Variants in TTC8 observed in about 807,000 individuals in gnomAD.
TTC8 encodes tetratricopeptide repeat protein 8.
Under a neutral mutation model 72.5 loss-of-function variants are expected in TTC8, and 47 were observed. The ratio of observed to expected loss-of-function variants is 0.65; its 90% CI spans 0.51 to 0.83. The LOEUF (loss-of-function observed/expected upper bound fraction) is 0.83, where lower values mean the gene tolerates loss of function less well. TTC8 is among the 40% of genes least tolerant of loss of function. TTC8 has a pLI of 0.00. For synonymous variants in TTC8, 199 were observed against 221.4 expected (o/e 0.90, Z 0.90); for missense variants, 611 against 623.2 (o/e 0.98, Z 0.21).
At position 88,877,316 on chromosome 14, in the gene TTC8, A is replaced by G. The variant is rs778491536; in HGVS notation, c.1454A>G (p.Tyr485Cys). Residue 485 changes from tyrosine (Y) to cysteine (C), a missense_variant, in exon 15 of 15, where the codon TAT (tyrosine) becomes TGT (cysteine). Coordinates refer to ENST00000380656, the MANE Select transcript of TTC8 (RefSeq NM_144596.4). ...SDKIGDLQRS[Y>C]VAAQKSEAAF... is the part of the protein sequence containing the mutation. ...CAGATTGGAGATCTGCAGAGAAGCT[A>G]TGTTGCTGCGCAGAAGTCTGAAGCA... The G allele has an allele frequency of 2.5e-6, 4 of 1,613,678 alleles. No individual in the cohort carries two copies. Among genetic ancestry groups the G allele is most frequent in the Admixed American group, 1.7e-5 (1 of 59,984 alleles).
intron 1 of TTC8, among the ~76,000 whole-genome samples, chr14:88,832,030 G>A (rs1595929547): frequency 6.6e-6 from 1 of 152,182 alleles, no homozygotes; most frequent in East Asian, 1.9e-4. Context: ...ACTTAGGCCT[G>A]GTCTCCATTT....
intron 13 of TTC8, 31 bp downstream of exon 13, chr14:88,872,483 G>C (rs572153987): frequency 6.2e-7 from 1 of 1,612,182 alleles, no homozygotes; most frequent in African/African-American, 1.3e-5. Flanking sequence ...ATGCTGGGCA[G>C]TCTGCTTTCT....
chr14:88,846,357 A>C (rs2094806534), intron 7 of TTC8, among the ~76,000 whole-genome samples: 1 of 152,134 alleles, frequency 6.6e-6, no homozygotes. Flanking sequence ...AAAACATTCT[A>C]ACAGACACCT....
intron 8 of TTC8, among the ~76,000 whole-genome samples, chr14:88,854,781 G>A (rs2094848810): frequency 6.6e-6 from 1 of 152,076 alleles, no homozygotes; most frequent in Non-Finnish European, 1.5e-5. Context: ...AATCTCCTGG[G>A]CTTAAGCCAT....
intron 10 of TTC8, among the ~76,000 whole-genome samples, chr14:88,862,571 TATATATATATATATATATATATATA>T (rs2094891803): frequency 1.5e-5 from 1 of 65,408 alleles, no homozygotes; most frequent in African/African-American, 6.5e-5. Flanking sequence ...TATATATATA[TATATATATATATATATATATATATA>T]TTTAGAGATG....
intron 7 of TTC8, among the ~76,000 whole-genome samples, chr14:88,845,436 T>C (rs1321692261): frequency 6.6e-6 from 1 of 152,154 alleles, no homozygotes; most frequent in Non-Finnish European, 1.5e-5. Context: ...TGTTGGGAGA[T>C]GTGACATTGA....
chr14:88,874,949 CA>C (rs10607562), intron 13 of TTC8, 76 bp from the exon 14 acceptor site: 2,915 of 989,810 alleles, frequency 2.9e-3, no homozygotes, highest in African/African-American at 4.9e-3. Context: ...ATTCTTTTAC[CA>C]AAAAAAAAAC....
rs145460023 is a variant in TTC8, at chr14:88,868,743, T to C, written c.910-1316T>C. Among the ~76,000 whole-genome samples the C allele has an allele frequency of 2.4e-4, 37 of 152,320 alleles. No individual in the cohort carries two copies. The East Asian group carries it at 6.7e-3, about 28-fold the overall frequency. ...GGGAGCATGGTGAACCTGGTAATTA[T>C]TACTGGTTGTAGCCTGAAAGCTTTT... On this transcript the variant is annotated intron_variant, in intron 10 of 14. Coordinates refer to ENST00000380656, the MANE Select transcript of TTC8 (RefSeq NM_144596.4).
intron 9 of TTC8, among the ~76,000 whole-genome samples, chr14:88,859,891 TATATA>T (rs796641535): frequency 1.7e-4 from 20 of 118,728 alleles, no homozygotes; most frequent in East Asian, 2.5e-4. Flanking sequence ...TATTATATAA[TATATA>T]ATATAATATA....
At chr14:88,843,942 A>C in intron 7 of TTC8, 92 bp downstream of exon 7, 1 of 933,534 alleles carries the variant, frequency 1.1e-6, no homozygotes, top group Non-Finnish European at 1.6e-6. Flanking sequence ...GACCTTATAA[A>C]CAGATGAAAT....
intron 7 of TTC8, among the ~76,000 whole-genome samples, chr14:88,847,058 G>A (rs2140988436): frequency 6.6e-6 from 1 of 152,182 alleles, no homozygotes; most frequent in East Asian, 1.9e-4. Context: ...ATTACCTGGG[G>A]AATTATTAAA....
At position 88,824,740 on chromosome 14, in the gene TTC8, C is replaced by T; in HGVS notation, c.33C>T (p.Ala11=). 2 of 1,612,078 alleles carry T rather than the reference C, an allele frequency of 1.2e-6. No individual in the cohort carries two copies. The highest frequency in any genetic ancestry group is 2.2e-5 in the East Asian group (1 of 44,806). The change falls in exon 1 of 15, where the codon GCC becomes GCT. Residue 11 remains alanine, a synonymous_variant. Transcript: ENST00000380656. ...CGGAGATGGAGCCGCTGCTCCTGGC[C>T]TGGAGCTATTTTAGGCGCAGGAAGT... is the stretch of plus-strand genomic sequence containing the variant. MSSEMEPLLL[A]WSYFRRRKFQ... is the part of the protein sequence containing the mutation.
At chr14:88,832,315 A>G (rs1041378161) in intron 1 of TTC8, among the ~76,000 whole-genome samples, 1 of 152,204 alleles carries the variant, frequency 6.6e-6, no homozygotes, top group African/African-American at 2.4e-5. Context: ...CACAGCATCC[A>G]GTATCAGTGG....
At chr14:88,847,932 G>A (rs553026665) in intron 7 of TTC8, among the ~76,000 whole-genome samples, 1 of 151,926 alleles carries the variant, frequency 6.6e-6, no homozygotes, top group East Asian at 1.9e-4. Flanking sequence ...AGACAAGCCT[G>A]GACAACATGG....
downstream of TTC8, chr14:88,878,073 A>T (rs945915831): frequency 2.0e-5 from 3 of 152,186 alleles, no homozygotes; most frequent in Non-Finnish European, 4.4e-5. Context: ...CTTAGAAATC[A>T]TCATTATTTT....
At position 88,877,364 on chromosome 14, in the gene TTC8, CACA is replaced by C. The variant is rs755681207; in HGVS notation, c.1506_1508del (p.Gln502del). The C allele has an allele frequency of 1.2e-6, 2 of 1,613,788 alleles. No homozygotes were observed. Among genetic ancestry groups the C allele is most frequent in the East Asian group, 4.5e-5 (2 of 44,826 alleles). ...GCAGCATTTCCAGACCATGTGGACA[CACA>C]ACATTTAATTAAACAATTAAGGCAG... On this transcript the variant is annotated inframe_deletion, in exon 15 of 15. Coordinates refer to ENST00000380656, the MANE Select transcript of TTC8 (RefSeq NM_144596.4).
intron 1 of TTC8, among the ~76,000 whole-genome samples, chr14:88,830,040 C>A (rs974117291): frequency 6.6e-6 from 1 of 152,212 alleles, no homozygotes; most frequent in Non-Finnish European, 1.5e-5. Flanking sequence ...ATCTCTCTAA[C>A]CTTCTGAAAT....
intron 13 of TTC8, among the ~76,000 whole-genome samples, chr14:88,873,989 A>C (rs1392378756): frequency 6.6e-6 from 1 of 152,198 alleles, no homozygotes; most frequent in Non-Finnish European, 1.5e-5. Flanking sequence ...AAATTCTCCC[A>C]AAGTAAGGAA....
At chr14:88,840,842 G>T (rs762046317) in intron 3 of TTC8, 23 bp from the exon 4 acceptor site, 3 of 1,610,854 alleles carry the variant, frequency 1.9e-6, no homozygotes, top group Admixed American at 3.3e-5. Context: ...TATATAAATT[G>T]TATTAGCCAT....
Sources: gnomAD v4.1 joint callset for allele counts (sites outside exome capture counted in the v4.1 genomes callset) on GRCh38, gnomAD v4.1.1 for gene constraint, MANE v1.5 for transcripts, NCBI Gene and HGNC (gene_info 2026-07-23, HGNC 2026-07-21) for gene names.